Variants in HAUS5 observed in about 807,000 individuals in gnomAD.
HAUS5 encodes the protein HAUS augmin like complex subunit 5, also known as HAUS augmin-like complex subunit 5.
HAUS5 carries 67 observed loss-of-function variants against 94.1 expected under a neutral mutation model. That is an observed-to-expected ratio of 0.71 (90% CI 0.58 to 0.87). HAUS5 has a LOEUF of 0.87. Ranked by LOEUF, HAUS5 falls within the 40% of genes least tolerant of loss-of-function variation. The pLI is 0.00. For missense variants in HAUS5, 739 were observed against 825.6 expected, an observed-to-expected ratio of 0.90 and a Z score of 1.29; for synonymous variants, 339 against 355.4, an observed-to-expected ratio of 0.95 and a Z score of 0.52.
chr19:35,613,704 C>T, intron 1 of HAUS5, 26 bp from the exon 2 acceptor site: 2 of 1,607,480 alleles, frequency 1.2e-6, no homozygotes, highest in African/African-American at 1.3e-5. Context: ...CTGCCCCAGG[C>T]ATATGCTTAC....
intron 17 of HAUS5, among the ~76,000 whole-genome samples, chr19:35,621,463 C>G (rs1967208161): frequency 6.6e-6 from 1 of 152,208 alleles, no homozygotes; most frequent in Non-Finnish European, 1.5e-5. Flanking sequence ...CTGCCTCAGC[C>G]TCCCGAGTAG....
At chr19:35,616,055 ACCTGTAAT>A (rs1277024851) in intron 6 of HAUS5, among the ~76,000 whole-genome samples, 1 of 151,994 alleles carries the variant, frequency 6.6e-6, no homozygotes, top group East Asian at 1.9e-4. Context: ...GGTGGCTCAC[ACCTGTAAT>A]CCCAGCACTT....
At chr19:35,622,539 T>A in intron 17 of HAUS5, 62 bp from the exon 18 acceptor site, 1 of 1,570,912 alleles carries the variant, frequency 6.4e-7, no homozygotes, top group South Asian at 1.2e-5. Flanking sequence ...TGGGGACTCA[T>A]TGCTGTAAGG....
In HAUS5 at chr19:35,619,173, A is replaced by G; in HGVS notation, c.1179+124A>G. The G allele has an allele frequency of 5.8e-6, 6 of 1,032,984 alleles. No homozygotes were observed. In the South Asian group the frequency reaches 8.4e-5, roughly 15 times the overall value. 64.0% of individuals were successfully genotyped at this position (1,032,984 alleles called of 1,614,324 possible). A position where few individuals can be genotyped will look rare whatever the true frequency, so the allele number is the denominator to read the frequency against. ...GTGGTTCCAGCACTTTGGGAGGCTG[A>G]GGTGGGAGGATCTGAGCCCAGGAGT... On this transcript the variant is annotated intron_variant, in intron 13 of 18. Transcript: ENST00000203166.
chr19:35,614,144 G>A, intron 4 of HAUS5, 85 bp downstream of exon 4: 1 of 1,213,304 alleles, frequency 8.2e-7, no homozygotes, highest in Non-Finnish European at 1.2e-6. Context: ...GGTGCTGGGT[G>A]ATGCTGGGGA....
chr19:35,615,144 C>T lies in HAUS5; in HGVS notation c.322C>T (p.Gln108Ter). 1 of 1,610,534 alleles carries T rather than the reference C, an allele frequency of 6.2e-7. No individual in the cohort carries two copies. Among genetic ancestry groups the T allele is most frequent in the Non-Finnish European group, 8.5e-7 (1 of 1,178,358 alleles). ...LELMERDTEA[Q>*]DTAMEQARQH... ...GCTGATGGAGCGAGACACTGAGGCTCAGGGTGAGCCATGGGGCCAGAAGAT... is the reference window on the plus strand; with the variant it reads ...GCTGATGGAGCGAGACACTGAGGCTTAGGGTGAGCCATGGGGCCAGAAGAT... The change falls in exon 5 of 19, where the codon CAG becomes TAG. Residue 108 changes from glutamine (Q) to a stop codon, truncating the protein, a stop_gained. Transcript: ENST00000203166. LOFTEE classifies it high-confidence loss of function.
chr19:35,613,664 C>T, intron 1 of HAUS5, 66 bp from the exon 2 acceptor site: 1 of 1,456,342 alleles, frequency 6.9e-7, no homozygotes, highest in East Asian at 2.3e-5. Context: ...CCACCATCAC[C>T]CTAGGAATGA....
At position 35,613,718 on chromosome 19, in the gene HAUS5, C is replaced by G; in HGVS notation, c.99-12C>G. 1 of 1,613,186 alleles carries G rather than the reference C, an allele frequency of 6.2e-7. No individual in the cohort carries two copies. ...GCTGCCCCAGGCATATGCTTACACACTGTCCCCACAGGCTGTGTCTGGGCC... is the reference window on the plus strand; with the variant it reads ...GCTGCCCCAGGCATATGCTTACACAGTGTCCCCACAGGCTGTGTCTGGGCC... On this transcript the variant is annotated splice_polypyrimidine_tract_variant and intron_variant, in intron 1 of 18. Coordinates refer to ENST00000203166, the MANE Select transcript of HAUS5 (RefSeq NM_015302.2).
Position 35,623,063 on chromosome 19 carries a change from T to C in HAUS5, c.*70T>C, listed in dbSNP as rs775252003. The C allele has an allele frequency of 2.8e-6, 3 of 1,069,268 alleles. No homozygotes were observed. Among genetic ancestry groups the C allele is most frequent in the Non-Finnish European group, 4.2e-6 (3 of 715,330 alleles). The allele number at this position is 1,069,268 out of a possible 1,614,324, so 66.2% of individuals were successfully genotyped here. On this transcript the variant is annotated 3_prime_UTR_variant, in exon 19 of 19. Coordinates refer to ENST00000203166, the MANE Select transcript of HAUS5 (RefSeq NM_015302.2). ...CAACACCTCACCTCCCCCAGGACAT[T>C]TGGAAGAAAGCAGCGCCAGGATTCC...
At chr19:35,612,949 T>TTCTCACTCCC in intron 1 of HAUS5, 57 bp downstream of exon 1, 2 of 1,197,836 alleles carry the variant, frequency 1.7e-6, no homozygotes, top group Non-Finnish European at 2.3e-6. Context: ...TCTCCGGGAG[T>TTCTCACTCCC]GAGAACTCCA....
rs1235245822 is a variant in HAUS5, at chr19:35,623,060, C to T, written c.*67C>T. The T allele has an allele frequency of 9.3e-7, 1 of 1,077,040 alleles. No homozygotes were observed. The highest frequency in any genetic ancestry group is 1.4e-6 in the Non-Finnish European group (1 of 721,412). 66.7% of individuals were successfully genotyped at this position (1,077,040 alleles called of 1,614,324 possible). Reference sequence around the variant, plus strand: ...CCCCAACACCTCACCTCCCCCAGGACATTTGGAAGAAAGCAGCGCCAGGAT... The same window carrying T: ...CCCCAACACCTCACCTCCCCCAGGATATTTGGAAGAAAGCAGCGCCAGGAT... On this transcript the variant is annotated 3_prime_UTR_variant, in exon 19 of 19. Transcript: ENST00000203166.
intron 4 of HAUS5, 132 bp downstream of exon 4, chr19:35,614,191 T>A: frequency 1.2e-6 from 1 of 810,040 alleles, no homozygotes; most frequent in Non-Finnish European, 2.1e-6. Context: ...TCCATCCTCA[T>A]AGGGCTTAAA....
intron 1 of HAUS5, among the ~76,000 whole-genome samples, chr19:35,613,136 C>T (rs1238992051): frequency 6.6e-6 from 1 of 152,116 alleles, no homozygotes; most frequent in Non-Finnish European, 1.5e-5. Context: ...TGAGGCTGTC[C>T]CCGCAGCACC....
chr19:35,616,709 G>A (rs1163417496), intron 6 of HAUS5, among the ~76,000 whole-genome samples: 2 of 152,102 alleles, frequency 1.3e-5, no homozygotes, highest in East Asian at 1.9e-4. Flanking sequence ...GTAGAGACGG[G>A]GTTTCACCAT....
Position 35,618,173 on chromosome 19 carries a change from C to A in HAUS5, c.799C>A (p.Leu267Ile). The A allele has an allele frequency of 6.2e-7, 1 of 1,605,524 alleles. No individual in the cohort carries two copies. Among genetic ancestry groups the A allele is most frequent in the South Asian group, 1.1e-5 (1 of 90,198 alleles). Residue 267 changes from leucine (L) to isoleucine (I), a missense_variant, in exon 10 of 19, where the codon CTT becomes ATT. By Grantham distance (5) the Leu-to-Ile change is conservative. Transcript: ENST00000203166. The part of the protein sequence containing the change: ...EIRSLCSGDG[L>I]GDTEISRPQA... ...TCGGTCCCTGTGCAGTGGGGATGGG[C>A]TTGGCGACACAGAGATATCCAGGTG...
Position 35,622,620 on chromosome 19 carries a change from A to G in HAUS5, c.1671A>G (p.Ala557=). 1.9e-6 allele frequency: 3 copies of G among 1,614,012 alleles called. No individual in the cohort carries two copies. The highest frequency in any genetic ancestry group is 2.5e-6 in the Non-Finnish European group (3 of 1,180,002). The change falls in exon 18 of 19, where the codon GCA becomes GCG. Residue 557 remains alanine, a synonymous_variant. Transcript: ENST00000203166. The stretch of plus-strand genomic sequence containing the variant: ...CCTCAGAGCTGCTGCAGATCCAGGC[A>G]TCCCAGGAAAAACAGCAGAAAGAGA... ...LPTQELLQIQ[A]SQEKQQKENL... is the part of the protein sequence containing the mutation.
chr19:35,615,345 G>A lies in HAUS5; in HGVS notation c.444G>A (p.Gln148=). The A allele has an allele frequency of 6.2e-7, 1 of 1,612,200 alleles. No homozygotes were observed. The highest frequency in any genetic ancestry group is 8.5e-7 in the Non-Finnish European group (1 of 1,179,302). ...RQQHTLRDPM[Q]RLQNQLRRLQ... is the part of the protein sequence containing the mutation. ...AGCATACGCTCCGAGATCCCATGCAGCGGCTGCAGAATCAACTGAGGCGCC... is the reference window on the plus strand; with the variant it reads ...AGCATACGCTCCGAGATCCCATGCAACGGCTGCAGAATCAACTGAGGCGCC... Residue 148 remains glutamine, a synonymous_variant, in exon 6 of 19, where the codon CAG becomes CAA. Transcript: ENST00000203166.
rs764349597 is a variant in HAUS5 at position 35,620,074 on chromosome 19, G to C, written c.1469G>C (p.Gly490Ala). 49 of 1,613,614 alleles carry C rather than the reference G, an allele frequency of 3.0e-5. No homozygotes were observed. The highest frequency in any genetic ancestry group is 4.2e-5 in the Non-Finnish European group (49 of 1,179,896). Residue 490 changes from glycine to alanine, a missense_variant, in exon 16 of 19, where the codon GGC becomes GCC. Physicochemically the swap from Gly to Ala is moderately conservative, Grantham distance 60. Transcript: ENST00000203166. ...IHQLHPASPR[G>A]SSFIALSHKL... ...CAGCTGCACCCCGCGTCCCCAAGGG[G>C]CTCCAGCTTCATAGCGCTGAGCCAC...
chr19:35,619,850 C>A, intron 15 of HAUS5, 92 bp downstream of exon 15: 1 of 1,515,444 alleles, frequency 6.6e-7, no homozygotes, highest in African/African-American at 1.4e-5. Context: ...AACCCCAGAC[C>A]CCCAGTGTTC....
Sources: gnomAD v4.1 joint callset for allele counts (sites outside exome capture counted in the v4.1 genomes callset) on GRCh38, gnomAD v4.1.1 for gene constraint, MANE v1.5 for transcripts, NCBI Gene and HGNC (gene_info 2026-07-23, HGNC 2026-07-21) for gene names.